Variants in ZNF185 observed in about 807,000 individuals in gnomAD.
The protein encoded by ZNF185 is zinc finger protein 185.
Under a neutral mutation model 58.6 loss-of-function variants are expected in ZNF185, and 56 were observed. The ratio of observed to expected loss-of-function variants is 0.95; its 90% CI spans 0.77 to 1.19. ZNF185 has a LOEUF of 1.19. Ranked by LOEUF, ZNF185 falls within the 50% of genes most tolerant of loss-of-function variation. The pLI is 0.00. For synonymous variants in ZNF185, 230 were observed against 215.9 expected (o/e 1.07, Z -0.57); for missense variants, 627 against 573.5 (o/e 1.09, Z -0.95).
chrX:152,943,842 C>T (rs2047508832), intron 15 of ZNF185, among the ~76,000 whole-genome samples: 1 of 112,966 alleles, frequency 8.9e-6, no homozygotes, highest in African/African-American at 3.2e-5. Context: ...TCAGGGCTAC[C>T]ACAGTAGGGA....
chrX:152,916,298 C>T, intron 3 of ZNF185, among the ~76,000 whole-genome samples: 1 of 111,147 alleles, frequency 9.0e-6, no homozygotes, highest in African/African-American at 3.3e-5. Flanking sequence ...GAAGGGTCTA[C>T]CCTGACCCCT....
At chrX:152,965,342 C>A in intron 18 of ZNF185, 105 bp from the exon 21 acceptor site, 1 of 708,120 alleles carries the variant, frequency 1.4e-6, no homozygotes, top group Non-Finnish European at 2.1e-6. Context: ...TCACTTCCTT[C>A]AAACCAGGCT....
chrX:152,923,587 T>C (rs1220846917), intron 11 of ZNF185, among the ~76,000 whole-genome samples: 1 of 112,307 alleles, frequency 8.9e-6, no homozygotes, highest in Non-Finnish European at 1.9e-5. Context: ...GCACCAGGGA[T>C]TGGTTTCGTG....
At chrX:152,908,464 C>T in the ZNF185 span, among the ~76,000 whole-genome samples, 1 of 112,717 alleles carries the variant, frequency 8.9e-6, no homozygotes, top group African/African-American at 3.2e-5. Context: ...CATGAGAGAG[C>T]TTGACATACT....
intron 3 of ZNF185, among the ~76,000 whole-genome samples, chrX:152,916,325 T>C (rs1938465480): frequency 9.0e-6 from 1 of 110,765 alleles, no homozygotes; most frequent in Non-Finnish European, 1.9e-5. Flanking sequence ...CTCCCCTAAC[T>C]CTGAGGAGGA....
intron 15 of ZNF185, chrX:152,941,658 C>A (rs1556889626): frequency 1.7e-6 from 2 of 1,158,764 alleles, no homozygotes; most frequent in Non-Finnish European, 2.3e-6. Context: ...CTTGAAGCCC[C>A]GAACTCGGTC....
chrX:152,972,566 A>G (rs2050714918), exon 23 of ZNF185: 1 of 111,342 alleles, frequency 9.0e-6, no homozygotes, highest in Non-Finnish European at 1.9e-5. Flanking sequence ...ACTCACAGAC[A>G]TTACCAAAGA....
chrX:152,914,849 G>T lies in ZNF185; in HGVS notation c.158+16G>T. ...GTCGCACCATGTAAGGCAAGGAGGC[G>T]GGGAGGGACCGCAGCAACGTGGGGG... On this transcript the variant is annotated intron_variant, in intron 2 of 22. Transcript: ENST00000449285. 8.5e-7 allele frequency: 1 copy of T among 1,176,695 alleles called. No individual in the cohort carries two copies. Among genetic ancestry groups the T allele is most frequent in the East Asian group, 3.1e-5 (1 of 32,033 alleles).
intron 16 of ZNF185, among the ~76,000 whole-genome samples, chrX:152,947,711 G>T (rs782427230): frequency 8.9e-6 from 1 of 112,551 alleles, no homozygotes; most frequent in South Asian, 3.7e-4. Context: ...GCATGAGGTT[G>T]CCTGGAGAAT....
chrX:152,931,063 C>G (rs1556876822), intron 12 of ZNF185, among the ~76,000 whole-genome samples: 1 of 111,615 alleles, frequency 9.0e-6, no homozygotes, highest in African/African-American at 3.3e-5. Context: ...GTGCCCATAT[C>G]CTGGGGTTGA....
intron 16 of ZNF185, among the ~76,000 whole-genome samples, chrX:152,945,806 A>G (rs1454928654): frequency 9.0e-6 from 1 of 111,703 alleles, no homozygotes; most frequent in Non-Finnish European, 1.9e-5. Flanking sequence ...AGTGAGGGCT[A>G]TTTGTGTGGG....
In ZNF185 at chrX:152,938,056, C is replaced by T. The variant is rs782809998; in HGVS notation, c.1122-18C>T. The stretch of plus-strand genomic sequence containing the variant: ...TCTTTGGTCTGAGATCTCAGCAGGC[C>T]TGTGTTTCCTTCCTCAGCTCCAGTG... On this transcript the variant is annotated intron_variant, in intron 14 of 22. Transcript: ENST00000449285. 51 of 1,167,864 alleles carry T rather than the reference C, an allele frequency of 4.4e-5. 1 individual carries two copies. In the African/African-American group the frequency reaches 7.3e-4, roughly 17 times the overall value.
chrX:152,910,714 C>T (rs935207044), upstream of ZNF185, among the ~76,000 whole-genome samples: 2 of 112,155 alleles, frequency 1.8e-5, no homozygotes, highest in Non-Finnish European at 3.8e-5. Context: ...TACTTGGCTG[C>T]GAGGGGAATT....
chrX:152,914,534 G>A lies in ZNF185; in HGVS notation c.34+11G>A. The A allele has an allele frequency of 8.5e-7, 1 of 1,174,144 alleles. No individual in the cohort carries two copies. On this transcript the variant is annotated intron_variant, in intron 1 of 22. Coordinates refer to ENST00000449285, the Ensembl canonical transcript of ZNF185. ...GAGGCCGCACCAAAGGTGAGGCCTG[G>A]GCTCCCTGGTTTCCCAGGCTCTGTT...
chrX:152,916,139 A>G (rs893294651), intron 3 of ZNF185, among the ~76,000 whole-genome samples: 1 of 111,264 alleles, frequency 9.0e-6, no homozygotes, highest in Non-Finnish European at 1.9e-5. Context: ...AAAAGCGAGA[A>G]CCCCCAAGTG....
At chrX:152,951,157 T>C (rs1314966897) in intron 16 of ZNF185, among the ~76,000 whole-genome samples, 2 of 105,835 alleles carry the variant, frequency 1.9e-5, no homozygotes, top group East Asian at 6.0e-4. Context: ...GCGATCACCA[T>C]GTTGGCCAGG....
intron 16 of ZNF185, among the ~76,000 whole-genome samples, chrX:152,952,928 G>A (rs1466244220): frequency 1.8e-5 from 2 of 108,650 alleles, no homozygotes; most frequent in African/African-American, 6.8e-5. Context: ...AGGAGGATGA[G>A]GAGGAGGAAG....
chrX:152,939,210 A>G (rs1317543957), intron 15 of ZNF185, among the ~76,000 whole-genome samples: 1 of 111,350 alleles, frequency 9.0e-6, no homozygotes, highest in Admixed American at 9.6e-5. Context: ...TTAAACCAAG[A>G]TGCTGGGGGC....
At chrX:152,964,665 T>A (rs781950219) in intron 18 of ZNF185, among the ~76,000 whole-genome samples, 1 of 111,792 alleles carries the variant, frequency 8.9e-6, no homozygotes, top group South Asian at 3.8e-4. Context: ...GGTTTGTCTG[T>A]CTCTGTCACA....
Sources: allele counts gnomAD v4.1 joint callset (sites outside exome capture counted in the v4.1 genomes callset), GRCh38; gene constraint gnomAD v4.1.1; transcripts MANE v1.5; gene names NCBI Gene and HGNC (gene_info 2026-07-23, HGNC 2026-07-21).